Variants in GPAM observed in about 807,000 individuals in gnomAD.
The protein encoded by GPAM is glycerol-3-phosphate acyltransferase 1, mitochondrial.
Under a neutral mutation model 105.0 loss-of-function variants are expected in GPAM, and 56 were observed. The ratio of observed to expected loss-of-function variants is 0.53; its 90% CI spans 0.43 to 0.67. The LOEUF is 0.67. GPAM is among the 30% of genes least tolerant of loss of function. The pLI, the probability that GPAM is intolerant of heterozygous loss-of-function variation, is 0.00. For missense variants in GPAM, 855 were observed against 989.8 expected (o/e 0.86, Z 1.83); for synonymous variants, 368 against 354.4 (o/e 1.04, Z -0.43).
the GPAM span, among the ~76,000 whole-genome samples, chr10:112,221,568 C>T: frequency 2.0e-5 from 3 of 152,116 alleles, no homozygotes; most frequent in African/African-American, 7.2e-5. Context: ...GTCTGAAGAA[C>T]CTTGAGTATA....
chr10:112,159,764 T>A, intron 17 of GPAM, 147 bp downstream of exon 17: 3 of 774,342 alleles, frequency 3.9e-6, no homozygotes, highest in Non-Finnish European at 6.6e-6. Context: ...AATGACATAT[T>A]GGTTTGGTGG....
chr10:112,178,187 G>GA (rs1176232378), intron 4 of GPAM, 130 bp from the exon 5 acceptor site: 5 of 611,110 alleles, frequency 8.2e-6, no homozygotes, highest in Non-Finnish European at 1.5e-5. Flanking sequence ...TCTTAGGGAA[G>GA]AAAAAAGTTT....
intron 10 of GPAM, 76 bp downstream of exon 10, chr10:112,168,777 A>T: frequency 1.0e-6 from 1 of 968,240 alleles, no homozygotes; most frequent in South Asian, 1.3e-5. Flanking sequence ...AAAAATCTCA[A>T]CTCAAAAGAG....
chr10:112,200,374 A>G (rs73353095), intron 1 of GPAM, among the ~76,000 whole-genome samples: 4,915 of 151,542 alleles, frequency 0.032, 178 homozygotes, highest in African/African-American at 0.092. Context: ...TGCAACCTTG[A>G]CTTCCCCATC....
At chr10:112,222,242 C>T in the GPAM span, among the ~76,000 whole-genome samples, 1 of 152,184 alleles carries the variant, frequency 6.6e-6, no homozygotes, top group Admixed American at 6.5e-5. Context: ...CTTCCTACCA[C>T]TGCATCATGC....
rs538525697 is a variant in GPAM, at chr10:112,198,947, G to A, written n.211-16056C>T. ...TTTGTTTTTTTTTTTGTTTTGAGAC[G>A]GAGTCTTGCTCTGTCGCCAGGCTGG... is the stretch of plus-strand genomic sequence containing the variant. On this transcript the variant is annotated intron_variant and non_coding_transcript_variant, in intron 1 of 3. Transcript: ENST00000480130. 9.9e-5 allele frequency among the ~76,000 whole-genome samples: 15 copies of A among 150,992 alleles called. 1 individual carries two copies. Among genetic ancestry groups the A allele is most frequent in the African/African-American group, 3.4e-4 (14 of 41,118 alleles).
upstream of GPAM, among the ~76,000 whole-genome samples, chr10:112,219,424 G>T (rs779298038): frequency 1.3e-5 from 2 of 152,198 alleles, no homozygotes; most frequent in Non-Finnish European, 2.9e-5. Context: ...TCTGGAACCA[G>T]CTAGGCACCT....
At chr10:112,177,071 C>T (rs182133347) in intron 5 of GPAM, among the ~76,000 whole-genome samples, 152 of 149,344 alleles carry the variant, frequency 1.0e-3, no homozygotes, top group African/African-American at 3.8e-3. Context: ...AGTCTCTCCC[C>T]TCTTTTTTAA....
At chr10:112,192,274 G>A (rs1399905333) in intron 1 of GPAM, among the ~76,000 whole-genome samples, 1 of 152,218 alleles carries the variant, frequency 6.6e-6, no homozygotes, top group Non-Finnish European at 1.5e-5. Context: ...AAGACACAGG[G>A]ATGAAGAAGG....
intron 1 of GPAM, among the ~76,000 whole-genome samples, chr10:112,208,097 T>A (rs1176794683): frequency 6.6e-6 from 1 of 152,150 alleles, no homozygotes; most frequent in African/African-American, 2.4e-5. Flanking sequence ...AGTGTCAGGA[T>A]AACCACATGC....
Position 112,161,730 on chromosome 10 carries a change from G to A in GPAM, c.1431C>T (p.Ser477=). 6.2e-7 allele frequency: 1 copy of A among 1,613,992 alleles called. No individual in the cohort carries two copies. Among genetic ancestry groups the A allele is most frequent in the Non-Finnish European group, 8.5e-7 (1 of 1,179,848 alleles). The change falls in exon 15 of 22, where the codon AGC becomes AGT. Residue 477 remains serine (S), a synonymous_variant. Coordinates refer to ENST00000348367, the MANE Select transcript of GPAM (RefSeq NM_001244949.2). ...NLAEHILFTA[S]KSCAIMSTHI... The stretch of plus-strand genomic sequence containing the variant: ...GTGTGGACATAATGGCACAGGACTT[G>A]CTAGCAGCTGGAAGGCAAACACAAA...
upstream of GPAM, among the ~76,000 whole-genome samples, chr10:112,220,375 C>G (rs978260663): frequency 1.3e-5 from 2 of 152,226 alleles, no homozygotes; most frequent in Non-Finnish European, 2.9e-5. Flanking sequence ...TAAATTGGCT[C>G]TATCTAGGCA....
the GPAM span, among the ~76,000 whole-genome samples, chr10:112,220,486 G>A: frequency 1.3e-5 from 2 of 151,036 alleles, no homozygotes; most frequent in Admixed American, 1.3e-4. Flanking sequence ...ATATTCATAT[G>A]CATGTATCTT....
chr10:112,199,367 G>A (rs1253310320), intron 1 of GPAM, among the ~76,000 whole-genome samples: 1 of 152,174 alleles, frequency 6.6e-6, no homozygotes, highest in Non-Finnish European at 1.5e-5. Flanking sequence ...GAAGCAGAGA[G>A]TAGAATGGTG....
intron 21 of GPAM, 80 bp downstream of exon 21, chr10:112,154,549 A>G (rs1200935075): frequency 4.6e-6 from 5 of 1,076,364 alleles, no homozygotes; most frequent in Non-Finnish European, 7.2e-6. Context: ...CCACCCCACC[A>G]CAAAGGTAGC....
chr10:112,156,895 G>C (rs1847028166), intron 19 of GPAM: 1 of 421,056 alleles, frequency 2.4e-6, no homozygotes, highest in Admixed American at 4.0e-5. Flanking sequence ...GGGACAGCAA[G>C]AGTGACTCAA....
At chr10:112,191,810 G>A (rs948849482) in intron 1 of GPAM, among the ~76,000 whole-genome samples, 2 of 152,226 alleles carry the variant, frequency 1.3e-5, no homozygotes, top group African/African-American at 2.4e-5. Flanking sequence ...TCGGCATTGA[G>A]AAGGGACAGG....
rs1846955013 is a variant in GPAM, at chr10:112,153,373, T to C, written c.*177A>G. On this transcript the variant is annotated 3_prime_UTR_variant, in exon 22 of 22. Transcript: ENST00000348367. ...TGTTATCTGCAGGCTGCTGTGTTGATGCAGAGCTGGGAAGATCACAGATCC... is the reference window on the plus strand; with the variant it reads ...TGTTATCTGCAGGCTGCTGTGTTGACGCAGAGCTGGGAAGATCACAGATCC... 3 of 1,546,758 alleles carry C rather than the reference T, an allele frequency of 1.9e-6. No homozygotes were observed. Among genetic ancestry groups the C allele is most frequent in the Non-Finnish European group, 2.6e-6 (3 of 1,152,636 alleles).
chr10:112,199,164 C>T (rs1847763171), intron 1 of GPAM, among the ~76,000 whole-genome samples: 1 of 151,512 alleles, frequency 6.6e-6, no homozygotes, highest in Admixed American at 6.6e-5. Flanking sequence ...CCATGTTGCC[C>T]AGGCTGGTCT....
Sources: allele counts gnomAD v4.1 joint callset (sites outside exome capture counted in the v4.1 genomes callset), GRCh38; gene constraint gnomAD v4.1.1; transcripts MANE v1.5; gene names NCBI Gene and HGNC (gene_info 2026-07-23, HGNC 2026-07-21).